Variants in OBSL1 observed in about 807,000 individuals in gnomAD.
OBSL1 encodes obscurin-like protein 1.
A neutral mutation model predicts 172.0 loss-of-function variants in OBSL1; 160 were observed. The observed-to-expected ratio is 0.93, with a 90% CI of 0.82 to 1.06. The LOEUF (loss-of-function observed/expected upper bound fraction) is 1.06. Ranked by LOEUF, OBSL1 falls within the 50% of genes least tolerant of loss-of-function variation. OBSL1 has a pLI of 0.00. For synonymous variants in OBSL1, 1,200 were observed against 1,196.3 expected (o/e 1.00, Z -0.06); for missense variants, 2,681 against 2,715.4 (o/e 0.99, Z 0.28).
Position 219,567,892 on chromosome 2 carries a change from C to G in OBSL1, c.1360G>C (p.Glu454Gln). Residue 454 changes from glutamate to glutamine, a missense_variant, in exon 3 of 21, where the codon GAG (glutamate) becomes CAG (glutamine). Around this residue, in one of 5 missense-constraint regions of OBSL1, gnomAD observed 706 missense variants for 695.8 expected, o/e 1.01. Coordinates refer to ENST00000404537, the MANE Select transcript of OBSL1 (RefSeq NM_015311.3). ...CTCCAGCGTCCCTCGACCCCGGCCT[C>G]TAGAGTTTCCACTAGCAGCACAGCA... ...ENAVLLVETL[E>Q]AGVEGRWSRD... is the part of the protein sequence containing the mutation. 1 of 1,613,908 alleles carries G rather than the reference C, an allele frequency of 6.2e-7. No individual in the cohort carries two copies. The highest frequency in any genetic ancestry group is 1.1e-5 in the South Asian group (1 of 91,080).
At chr2:219,555,924 A>T (rs1695962112) in intron 14 of OBSL1, 96 bp downstream of exon 14, 1 of 1,525,110 alleles carries the variant, frequency 6.6e-7, no homozygotes. Flanking sequence ...CTCAGCGATG[A>T]GGGGCACTTT....
intron 16 of OBSL1, among the ~76,000 whole-genome samples, 162 bp from the exon 17 acceptor site, chr2:219,553,186 G>C (rs1695759784): frequency 6.6e-6 from 1 of 152,208 alleles, no homozygotes; most frequent in Admixed American, 6.5e-5. Flanking sequence ...CAAGCCTTTG[G>C]GGTCGTGCCA....
Position 219,566,975 on chromosome 2 carries a change from C to T in OBSL1, c.1989G>A (p.Val663=). The T allele has an allele frequency of 1.9e-6, 3 of 1,613,830 alleles. No individual in the cohort carries two copies. Among genetic ancestry groups the T allele is most frequent in the Non-Finnish European group, 2.5e-6 (3 of 1,179,894 alleles). The change falls in exon 5 of 21, where the codon GTG becomes GTA. Residue 663 remains valine, a synonymous_variant. Transcript: ENST00000404537. The stretch of plus-strand genomic sequence containing the variant: ...TACGGTACCGCAGGGCCCCAGGTTC[C>T]ACCTGGCCCTCCGGCTCGTTACTCT... ...ELKSNEPEGQ[V]EPGALRYRIE... is the part of the protein sequence containing the mutation.
chr2:219,552,464 C>G, intron 18 of OBSL1, 72 bp downstream of exon 18: 1 of 1,460,030 alleles, frequency 6.8e-7, no homozygotes, highest in Non-Finnish European at 9.1e-7. Flanking sequence ...GGGGCTTGTC[C>G]CGGTGGGGCG....
At chr2:219,557,643 C>A (rs200295912) in intron 11 of OBSL1, 25 bp from the exon 12 acceptor site, 1 of 1,516,016 alleles carries the variant, frequency 6.6e-7, no homozygotes. Context: ...CTGGAGGTCA[C>A]TGGGAGGGAG....
rs1574541085 is a variant in OBSL1, at chr2:219,558,360, C to T, written c.3326G>A (p.Gly1109Glu). 1 of 1,611,882 alleles carries T rather than the reference C, an allele frequency of 6.2e-7. No homozygotes were observed. The highest frequency in any genetic ancestry group is 8.5e-7 in the Non-Finnish European group (1 of 1,179,472). The change falls in exon 10 of 21, where the codon GGG becomes GAG. Residue 1109 changes from glycine (G) to glutamate (E), a missense_variant. By Grantham distance (98) the Gly-to-Glu change is moderately conservative. Coordinates refer to ENST00000404537, the MANE Select transcript of OBSL1 (RefSeq NM_015311.3). ...GTCCTTGTACCAGCGCACCTGAGAC[C>T]CAGCTGGGGCCACCTCACAGCGCAG... ...VELRCEVAPA[G>E]SQVRWYKDGL...
chr2:219,556,590 A>G lies in OBSL1; in HGVS notation c.4200T>C (p.Thr1400=). The change falls in exon 13 of 21, where the codon ACT becomes ACC. Residue 1400 remains threonine, a synonymous_variant. Coordinates refer to ENST00000404537, the MANE Select transcript of OBSL1 (RefSeq NM_015311.3). ...GGGCCATCTCCACCTGGGGCCCTGG[A>G]GTGACGACGGCCCCATTGCGCAGCC... ...VTWLRNGAVV[T]PGPQVEMAQN... is the part of the protein sequence containing the mutation. 6.2e-7 allele frequency: 1 copy of G among 1,613,848 alleles called. No homozygotes were observed. The highest frequency in any genetic ancestry group is 1.3e-5 in the African/African-American group (1 of 74,980).
Position 219,567,442 on chromosome 2 carries a change from C to T in OBSL1, c.1668G>A (p.Gln556=), listed in dbSNP as rs770818221. 1.9e-6 allele frequency: 3 copies of T among 1,613,256 alleles called. No individual in the cohort carries two copies. The highest frequency in any genetic ancestry group is 1.7e-5 in the Admixed American group (1 of 59,934). ...ETPFIYRLER[Q]EVGSEDWIQC... ...GAATCCAGTCTTCAGAGCCCACTTC[C>T]TGCCGCTCCAGCCGGTAGATGAATG... is the stretch of plus-strand genomic sequence containing the variant. The change falls in exon 4 of 21, where the codon CAG becomes CAA. Residue 556 remains glutamine, a synonymous_variant. Coordinates refer to ENST00000404537, the MANE Select transcript of OBSL1 (RefSeq NM_015311.3).
downstream of OBSL1, chr2:219,549,610 G>T: frequency 6.6e-7 from 1 of 1,526,202 alleles, no homozygotes; most frequent in Admixed American, 1.8e-5. Flanking sequence ...TGGACTCTGG[G>T]TCTATGGCAG....
downstream of OBSL1, chr2:219,549,713 A>ACAGAGCTATACC: frequency 6.2e-7 from 1 of 1,613,436 alleles, no homozygotes; most frequent in South Asian, 1.1e-5. Context: ...TTGCTCCCCC[A>ACAGAGCTATACC]CAGAGCTATA....
At chr2:219,552,288 A>T in intron 18 of OBSL1, 72 bp from the exon 19 acceptor site, 2 of 1,390,544 alleles carry the variant, frequency 1.4e-6, no homozygotes, top group Non-Finnish European at 2.0e-6. Flanking sequence ...GTGGGGGCCC[A>T]GCAGGCCCCT....
chr2:219,549,636 G>C (rs1190423419), downstream of OBSL1: 1 of 1,583,466 alleles, frequency 6.3e-7, no homozygotes, highest in Non-Finnish European at 8.6e-7. Flanking sequence ...AGAAGTGTCA[G>C]GCTTGTGGGA....
Position 219,567,867 on chromosome 2 carries a change from C to T in OBSL1, c.1385G>A (p.Ser462Asn), listed in dbSNP as rs765361859. Residue 462 changes from serine (S) to asparagine (N), a missense_variant, in exon 3 of 21, where the codon AGC (serine) becomes AAC (asparagine). Physicochemically the swap from Ser to Asn is conservative, Grantham distance 46. This residue lies in a region of OBSL1 where 706 missense variants were observed against 695.8 expected (regional missense o/e 1.01). Transcript: ENST00000404537. ...TLEAGVEGRW[S>N]RDGEELPVIC... ...GACCGGCAGCTCCTCCCCATCACGGCTCCAGCGTCCCTCGACCCCGGCCTC... is the reference window on the plus strand; with the variant it reads ...GACCGGCAGCTCCTCCCCATCACGGTTCCAGCGTCCCTCGACCCCGGCCTC... The T allele has an allele frequency of 6.2e-7, 1 of 1,613,922 alleles. No individual in the cohort carries two copies. Among genetic ancestry groups the T allele is most frequent in the Middle Eastern group, 1.6e-4 (1 of 6,062 alleles).
rs752289812 is a variant in OBSL1 at position 219,562,634 on chromosome 2, A to G, written c.2721T>C (p.Tyr907=). The stretch of plus-strand genomic sequence containing the variant: ...CACGCTCCAGGCGCACGGCTGCCAC[A>G]TACACCTTGCCGCTGGGATACACGA... The part of the protein sequence containing the change: ...SWIVYPSGKV[Y]VAAVRLERVV... The change falls in exon 8 of 21, where the codon TAT becomes TAC. Residue 907 remains tyrosine, a synonymous_variant. Transcript: ENST00000404537. The G allele has an allele frequency of 1.9e-6, 3 of 1,579,250 alleles. No individual in the cohort carries two copies. Among genetic ancestry groups the G allele is most frequent in the Admixed American group, 1.8e-5 (1 of 54,206 alleles).
chr2:219,567,955 G>T lies in OBSL1; in HGVS notation c.1297C>A (p.Arg433Ser). The change falls in exon 3 of 21, where the codon CGC (arginine) becomes AGC (serine). Residue 433 changes from arginine (R) to serine (S), a missense_variant. Transcript: ENST00000404537. ...NVTVKGPILK[R>S]LPRKLDVLEG... ...AGGACGTCGAGCTTCCGGGGCAGGC[G>T]CTTCAGGATGGGCCCTGAGATGCGG... is the stretch of plus-strand genomic sequence containing the variant. The T allele has an allele frequency of 6.2e-7, 1 of 1,613,774 alleles. No homozygotes were observed. The highest frequency in any genetic ancestry group is 8.5e-7 in the Non-Finnish European group (1 of 1,179,860).
At chr2:219,556,796 T>C in intron 12 of OBSL1, 73 bp from the exon 13 acceptor site, 1 of 1,454,954 alleles carries the variant, frequency 6.9e-7, no homozygotes. Flanking sequence ...CTCCTCAGGA[T>C]GCAGGCCCTC....
rs372191745 is a variant in OBSL1, at chr2:219,556,096, A to C, written c.4533T>G (p.Gly1511=). 110 of 1,613,898 alleles carry C rather than the reference A, an allele frequency of 6.8e-5. No homozygotes were observed. The African/African-American group carries it at 1.4e-3, about 20-fold the overall frequency. Residue 1511 remains glycine, a synonymous_variant, in exon 14 of 21, where the codon GGT becomes GGG. Coordinates refer to ENST00000404537, the MANE Select transcript of OBSL1 (RefSeq NM_015311.3). ...DGHIHRLFIH[G]VILADQGTYG... ...AGGTGCCCTGGTCGGCCAGTATGAC[A>C]CCATGGATGAAGAGGCGGTGGATGT...
intron 18 of OBSL1, 45 bp downstream of exon 18, chr2:219,552,491 G>T: frequency 6.4e-7 from 1 of 1,551,554 alleles, no homozygotes; most frequent in Non-Finnish European, 8.7e-7. Flanking sequence ...GTTCGAGCCT[G>T]GGCGGGGCAG....
At chr2:219,560,519 T>TC (rs1255062078) in intron 8 of OBSL1, among the ~76,000 whole-genome samples, 2 of 150,878 alleles carry the variant, frequency 1.3e-5, no homozygotes, top group Non-Finnish European at 1.5e-5. Flanking sequence ...CCCAGAATCT[T>TC]CAAGTTTTGG....
Sources: gnomAD v4.1 joint callset for allele counts (sites outside exome capture counted in the v4.1 genomes callset) on GRCh38, gnomAD v4.1.1 for gene constraint, gnomAD v4.1.1 regional missense constraint, MANE v1.5 for transcripts, NCBI Gene and HGNC (gene_info 2026-07-23, HGNC 2026-07-21) for gene names.